RNASEH2A: variants seen among roughly 807,000 people sequenced by gnomAD.
The protein encoded by RNASEH2A is ribonuclease H2 subunit A.
Under a neutral mutation model 32.7 loss-of-function variants are expected in RNASEH2A, and 30 were observed. That is an observed-to-expected ratio of 0.92 (90% CI 0.69 to 1.25). The LOEUF is 1.25. RNASEH2A is among the 50% of genes most tolerant of loss of function. The probability of loss-of-function intolerance (pLI) is 0.00; values close to 1 mark genes in which losing one functional copy is unlikely to be tolerated. For missense variants in RNASEH2A, 409 were observed against 398.1 expected (o/e 1.03, Z -0.23); for synonymous variants, 147 against 165.4 (o/e 0.89, Z 0.86).
chr19:12,809,863 C>T (rs1188489214), intron 4 of RNASEH2A, among the ~76,000 whole-genome samples: 1 of 152,204 alleles, frequency 6.6e-6, no homozygotes, highest in Admixed American at 6.5e-5. Flanking sequence ...ATCCTCCCGC[C>T]TCAGCCTCCC....
At chr19:12,812,399 G>A (rs1969086132) in intron 6 of RNASEH2A, among the ~76,000 whole-genome samples, 1 of 152,062 alleles carries the variant, frequency 6.6e-6, no homozygotes, top group South Asian at 2.1e-4. Flanking sequence ...AGGTATGGTG[G>A]TGGGTGGCTG....
rs1200819243 is a variant in RNASEH2A, at chr19:12,813,620, G to C, written c.*154G>C. ...CTACTTCCTTTTGGAACCTTAAATA[G>C]AATGGGTGTTGGTTGATTAATTTTA... On this transcript the variant is annotated 3_prime_UTR_variant, in exon 8 of 8. Coordinates refer to ENST00000221486, the MANE Select transcript of RNASEH2A (RefSeq NM_006397.3). 123 of 771,030 alleles carry C rather than the reference G, an allele frequency of 1.6e-4. 1 individual carries two copies. Among genetic ancestry groups the C allele is most frequent in the South Asian group, 1.6e-3 (107 of 68,322 alleles). 47.8% of individuals were successfully genotyped at this position (771,030 alleles called of 1,614,324 possible).
At position 12,807,322 on chromosome 19, in the gene RNASEH2A, C is replaced by G. The variant is rs1461834584; in HGVS notation, c.316C>G (p.Leu106Val). 6.2e-7 allele frequency: 1 copy of G among 1,614,196 alleles called. No individual in the cohort carries two copies. The highest frequency in any genetic ancestry group is 1.1e-5 in the South Asian group (1 of 91,090). Residue 106 changes from leucine to valine, a missense_variant, in exon 3 of 8, where the codon CTT becomes GTT. Leu to Val is a conservative substitution (Grantham distance 32). Coordinates refer to ENST00000221486, the MANE Select transcript of RNASEH2A (RefSeq NM_006397.3). ...LSPNLISTSM[L>V]GRVKYNLNSL... The stretch of plus-strand genomic sequence containing the variant: ...TCCAAACCTCATCTCTACCAGCATG[C>G]TTGGGCGGTGAGGGGTCCCCGGGAG...
Position 12,813,397 on chromosome 19 carries a change from C to T in RNASEH2A, c.831C>T (p.Ser277=). 1 of 1,614,136 alleles carries T rather than the reference C, an allele frequency of 6.2e-7. No individual in the cohort carries two copies. The highest frequency in any genetic ancestry group is 8.5e-7 in the Non-Finnish European group (1 of 1,180,014). Residue 277 remains serine, a synonymous_variant, in exon 8 of 8, where the codon TCC becomes TCT. Transcript: ENST00000221486. ...CATCCTACTTCCTCAATGAAGGGTCCCAAGCCCGTCCCCGTTCTTCCCACC... is the reference window on the plus strand; with the variant it reads ...CATCCTACTTCCTCAATGAAGGGTCTCAAGCCCGTCCCCGTTCTTCCCACC... ...KITSYFLNEG[S]QARPRSSHRY...
At chr19:12,811,894 GA>G (rs908925841) in intron 6 of RNASEH2A, among the ~76,000 whole-genome samples, 2 of 151,056 alleles carry the variant, frequency 1.3e-5, no homozygotes, top group Non-Finnish European at 2.9e-5. Context: ...TCCAGCCTGG[GA>G]AATGAGCAAA....
chr19:12,806,909 C>T, intron 1 of RNASEH2A, 99 bp from the exon 2 acceptor site: 2 of 1,599,596 alleles, frequency 1.3e-6, no homozygotes, highest in Non-Finnish European at 1.7e-6. Flanking sequence ...GTGATGGCAC[C>T]TAAAGAAGCA....
chr19:12,806,983 G>GA, intron 1 of RNASEH2A, 25 bp from the exon 2 acceptor site: 4 of 1,612,810 alleles, frequency 2.5e-6, no homozygotes, highest in Non-Finnish European at 3.4e-6. Context: ...CCGGCTGCCA[G>GA]AAAACTGACA....
chr19:12,807,149 G>T (rs1450845471), intron 2 of RNASEH2A, 57 bp from the exon 3 acceptor site: 3 of 1,614,050 alleles, frequency 1.9e-6, no homozygotes, highest in Non-Finnish European at 2.5e-6. Context: ...AACTGAAAGG[G>T]GAGGGCAGGA....
chr19:12,810,434 G>T, intron 6 of RNASEH2A, 30 bp downstream of exon 6: 1 of 1,569,164 alleles, frequency 6.4e-7, no homozygotes, highest in Non-Finnish European at 8.8e-7. Flanking sequence ...TGGTACTAAT[G>T]TTGAAATGGC....
chr19:12,809,039 G>T (rs1429428719), intron 4 of RNASEH2A, among the ~76,000 whole-genome samples: 3 of 151,870 alleles, frequency 2.0e-5, no homozygotes, highest in Admixed American at 6.6e-5. Flanking sequence ...ACAGACAAGG[G>T]CCCTACCCGT....
chr19:12,809,335 T>C (rs1455242600), intron 4 of RNASEH2A, among the ~76,000 whole-genome samples: 1 of 152,226 alleles, frequency 6.6e-6, no homozygotes, highest in Non-Finnish European at 1.5e-5. Context: ...TTGGACCCTC[T>C]CTTCGGTGCT....
chr19:12,808,069 G>T (rs150319114), intron 4 of RNASEH2A: 3,554 of 169,678 alleles, frequency 0.021, 132 homozygotes, highest in African/African-American at 0.08. Context: ...TGGCCAACAT[G>T]GTGAAACCTC....
intron 4 of RNASEH2A, chr19:12,807,737 G>A (rs370109232): frequency 2.6e-5 from 14 of 543,898 alleles, no homozygotes; most frequent in African/African-American, 2.3e-4. Context: ...TTCGAGACCA[G>A]CCTGACCAAC....
At chr19:12,812,264 A>G (rs1969084542) in intron 6 of RNASEH2A, among the ~76,000 whole-genome samples, 1 of 152,080 alleles carries the variant, frequency 6.6e-6, no homozygotes, top group African/African-American at 2.4e-5. Flanking sequence ...TGTGGTGTTT[A>G]CACCTGTAAT....
At chr19:12,808,628 A>G (rs1969030347) in intron 4 of RNASEH2A, among the ~76,000 whole-genome samples, 1 of 152,190 alleles carries the variant, frequency 6.6e-6, no homozygotes, top group Admixed American at 6.6e-5. Context: ...ACATCTCGAC[A>G]TTTAGTTTTC....
At chr19:12,811,244 G>T (rs971382189) in intron 6 of RNASEH2A, among the ~76,000 whole-genome samples, 1 of 152,126 alleles carries the variant, frequency 6.6e-6, no homozygotes, top group Admixed American at 6.6e-5. Context: ...TGTCTTCCCC[G>T]CTTCCCACTT....
intron 4 of RNASEH2A, among the ~76,000 whole-genome samples, chr19:12,808,985 G>A (rs1255277918): frequency 6.6e-6 from 1 of 152,104 alleles, no homozygotes; most frequent in Non-Finnish European, 1.5e-5. Context: ...GGGACCTGAG[G>A]ACCAGGCCCA....
At chr19:12,810,825 C>A (rs1355384739) in intron 6 of RNASEH2A, among the ~76,000 whole-genome samples, 1 of 151,810 alleles carries the variant, frequency 6.6e-6, no homozygotes, top group Admixed American at 6.6e-5. Flanking sequence ...CCACCGTGCC[C>A]AGCCTATTTT....
chr19:12,807,820 T>C (rs1451667626), intron 4 of RNASEH2A: 1 of 376,710 alleles, frequency 2.7e-6, no homozygotes, highest in Admixed American at 3.7e-5. Context: ...TAATCCTAGC[T>C]ACTCAGGAGG....
Sources: allele counts gnomAD v4.1 joint callset (sites outside exome capture counted in the v4.1 genomes callset), GRCh38; gene constraint gnomAD v4.1.1; transcripts MANE v1.5; gene names NCBI Gene and HGNC (gene_info 2026-07-23, HGNC 2026-07-21).